Variants in SVIL observed in about 807,000 individuals in gnomAD.
SVIL encodes the protein supervillin.
A neutral mutation model predicts 240.4 loss-of-function variants in SVIL; 101 were observed. The ratio of observed to expected loss-of-function variants is 0.42; its 90% CI spans 0.36 to 0.50. The LOEUF (loss-of-function observed/expected upper bound fraction) is 0.50, where lower values mean the gene tolerates loss of function less well. Ranked by LOEUF, SVIL falls within the 20% of genes least tolerant of loss-of-function variation. SVIL has a pLI of 0.01. For synonymous variants in SVIL, 999 were observed against 1,100.0 expected (o/e 0.91, Z 1.82); for missense variants, 2,512 against 2,818.7 (o/e 0.89, Z 2.46).
chr10:29,662,965 T>A (rs1959175716), intron 2 of SVIL, among the ~76,000 whole-genome samples: 1 of 151,968 alleles, frequency 6.6e-6, no homozygotes, highest in African/African-American at 2.4e-5. Flanking sequence ...TAAAGAAAAT[T>A]AACTGGGTGT....
At chr10:29,472,024 G>A (rs759136864) in intron 30 of SVIL, among the ~76,000 whole-genome samples, 36 of 152,210 alleles carry the variant, frequency 2.4e-4, no homozygotes, top group Non-Finnish European at 8.8e-5. Flanking sequence ...AAGGAGGACT[G>A]ATTGAGCCTG....
chr10:29,653,598 C>T (rs1012152033), intron 3 of SVIL, among the ~76,000 whole-genome samples: 1 of 151,928 alleles, frequency 6.6e-6, no homozygotes, highest in Admixed American at 6.6e-5. Context: ...TGTCACTTGT[C>T]CTTTTGGTAT....
intron 1 of SVIL, among the ~76,000 whole-genome samples, chr10:29,692,672 A>G (rs1007192441): frequency 6.6e-6 from 1 of 150,804 alleles, no homozygotes; most frequent in African/African-American, 2.4e-5. Context: ...TATTTTTTTA[A>G]TATAAGGGCA....
intron 6 of SVIL, among the ~76,000 whole-genome samples, chr10:29,539,427 A>T (rs1313185498): frequency 1.3e-5 from 2 of 152,220 alleles, no homozygotes; most frequent in Non-Finnish European, 2.9e-5. Flanking sequence ...TAGTACATTT[A>T]AAGCAGGAGT....
intron 3 of SVIL, among the ~76,000 whole-genome samples, chr10:29,652,898 T>C (rs879752936): frequency 3.3e-5 from 5 of 152,218 alleles, no homozygotes; most frequent in Non-Finnish European, 5.9e-5. Context: ...CTTTTTATTA[T>C]TGAGTCTTAA....
At chr10:29,596,933 G>A (rs773155087) in intron 1 of SVIL, among the ~76,000 whole-genome samples, 4 of 152,212 alleles carry the variant, frequency 2.6e-5, no homozygotes, top group Non-Finnish European at 5.9e-5. Context: ...CCATTGCTAC[G>A]ATGAGGAGAC....
intron 1 of SVIL, among the ~76,000 whole-genome samples, chr10:29,626,961 T>G (rs1957898511): frequency 6.6e-6 from 1 of 152,030 alleles, no homozygotes; most frequent in South Asian, 2.1e-4. Context: ...GAGGCGGAGC[T>G]TGCAGTGAGC....
chr10:29,529,727 C>T lies in SVIL; in HGVS notation c.2224G>A (p.Glu742Lys), dbSNP rs1951218289. 1 of 1,612,464 alleles carries T rather than the reference C, an allele frequency of 6.2e-7. No homozygotes were observed. The highest frequency in any genetic ancestry group is 1.3e-5 in the African/African-American group (1 of 74,816). Residue 742 changes from glutamate to lysine, a missense_variant, in exon 12 of 38, where the codon GAA becomes AAA. Coordinates refer to ENST00000355867, the MANE Select transcript of SVIL (RefSeq NM_021738.3). Reference protein sequence around the residue: ...DRSLTQPITTEEVVIAATEPI... With the variant: ...DRSLTQPITTKEVVIAATEPI... Reference sequence around the variant, plus strand: ...TACGTGGCTGCGATGACCACCTCTTCAGTGGTGATGGGCTGGGTGAGGGAC... The same window carrying T: ...TACGTGGCTGCGATGACCACCTCTTTAGTGGTGATGGGCTGGGTGAGGGAC...
intron 1 of SVIL, among the ~76,000 whole-genome samples, chr10:29,617,345 AAG>A (rs1246069336): frequency 6.6e-6 from 1 of 152,168 alleles, no homozygotes; most frequent in Non-Finnish European, 1.5e-5. Context: ...AGGATAAAGA[AAG>A]AGTTTTTCTT....
rs1947237803 is a variant in SVIL at position 29,484,824 on chromosome 10, A to G, written c.4787T>C (p.Val1596Ala). The change falls in exon 27 of 38, where the codon GTG becomes GCG. Residue 1596 changes from valine to alanine, a missense_variant. Val to Ala is a moderately conservative substitution (Grantham distance 64). This residue lies in a region of SVIL where 797 missense variants were observed against 925.3 expected (regional missense o/e 0.86). Coordinates refer to ENST00000355867, the MANE Select transcript of SVIL (RefSeq NM_021738.3). The surrounding 1 kb of genome is among the most constrained non-coding windows in gnomAD (Gnocchi z 4.7). ...GTAAACTTCACTACCAAAATCAAAC[A>G]CCAGTACCTGGGAGAAATGGCACAA... ...CSLLQPKEVL[V>A]FDFGSEVYVW... 2.5e-6 allele frequency: 4 copies of G among 1,606,426 alleles called. No homozygotes were observed. Among genetic ancestry groups the G allele is most frequent in the Non-Finnish European group, 2.5e-6 (3 of 1,176,534 alleles).
chr10:29,626,759 T>A (rs1359354818), intron 1 of SVIL, among the ~76,000 whole-genome samples: 1 of 152,156 alleles, frequency 6.6e-6, no homozygotes, highest in Admixed American at 6.5e-5. Flanking sequence ...GCGCGGTGGC[T>A]CAGGCCTGTA....
chr10:29,514,215 TAA>T (rs1380032700), intron 16 of SVIL, among the ~76,000 whole-genome samples: 3 of 152,216 alleles, frequency 2.0e-5, no homozygotes, highest in Admixed American at 6.5e-5. Context: ...CCATAAATAT[TAA>T]ATCCATAAAT....
At chr10:29,550,537 A>T in intron 6 of SVIL, 60 bp downstream of exon 6, 1 of 1,478,170 alleles carries the variant, frequency 6.8e-7, no homozygotes, top group Non-Finnish European at 9.0e-7. Flanking sequence ...TATCACACAG[A>T]GAGGCAAAAA....
intron 3 of SVIL, among the ~76,000 whole-genome samples, chr10:29,559,788 G>A (rs1234982272): frequency 1.3e-5 from 2 of 152,158 alleles, no homozygotes; most frequent in Non-Finnish European, 2.9e-5. Context: ...GATGGGAGCT[G>A]GAGGTTAGTT....
intron 13 of SVIL, 120 bp downstream of exon 13, chr10:29,526,841 G>A (rs1381919065): frequency 2.4e-6 from 2 of 834,140 alleles, no homozygotes; most frequent in Non-Finnish European, 3.5e-6. Context: ...ACGCATTCTG[G>A]AACAACTCAC....
At chr10:29,507,203 C>A (rs1162996094) in intron 17 of SVIL, among the ~76,000 whole-genome samples, 1 of 152,030 alleles carries the variant, frequency 6.6e-6, no homozygotes, top group African/African-American at 2.4e-5. Context: ...AGTCTTCCTC[C>A]CTGTCCCTCC....
chr10:29,532,008 G>A lies in SVIL; in HGVS notation c.2003C>T (p.Ser668Leu), dbSNP rs75316730. Reference protein sequence around the residue: ...QPITSAERKESDRCTSHSETP... With the variant: ...QPITSAERKELDRCTSHSETP... ...TGCGCATACGCATGCCTACCTATCC[G>A]ATTCCTTTCGTTCTGCTGAAGTTAT... is the stretch of plus-strand genomic sequence containing the variant. The change falls in exon 9 of 38, where the codon TCG (serine) becomes TTG (leucine). Residue 668 changes from serine to leucine, a missense_variant. By Grantham distance (145) the Ser-to-Leu change is moderately radical. Around this residue, in one of 3 missense-constraint regions of SVIL, gnomAD observed 1,443 missense variants for 1,486.6 expected, o/e 0.97. Transcript: ENST00000355867. 4,184 of 1,614,136 alleles carry A rather than the reference G, an allele frequency of 2.6e-3. 98 individuals carry two copies. In the African/African-American group the frequency reaches 0.049, roughly 19 times the overall value.
At chr10:29,494,761 G>T (rs1465382932) in intron 20 of SVIL, among the ~76,000 whole-genome samples, 153 bp downstream of exon 20, 1 of 152,098 alleles carries the variant, frequency 6.6e-6, no homozygotes, top group Non-Finnish European at 1.5e-5. Flanking sequence ...GTATTATTGG[G>T]AGTCCCCAAT....
intron 3 of SVIL, among the ~76,000 whole-genome samples, chr10:29,560,870 G>T (rs377625731): frequency 1.6e-4 from 23 of 148,360 alleles, no homozygotes; most frequent in African/African-American, 5.5e-4. Context: ...ACAGAGTCTC[G>T]CTCTGTCACC....
Sources: gnomAD v4.1 joint callset for allele counts (sites outside exome capture counted in the v4.1 genomes callset) on GRCh38, gnomAD v4.1.1 for gene constraint, gnomAD v4.1.1 regional missense constraint, Gnocchi (gnomAD v3.1) non-coding constraint, MANE v1.5 for transcripts, NCBI Gene and HGNC (gene_info 2026-07-23, HGNC 2026-07-21) for gene names.